SMOC1: variants seen among roughly 807,000 people sequenced by gnomAD.
SMOC1 encodes the protein SPARC related modular calcium binding 1, also known as SPARC-related modular calcium-binding protein 1.
SMOC1 carries 22 observed loss-of-function variants against 56.3 expected under a neutral mutation model. The ratio of observed to expected loss-of-function variants is 0.39; its 90% CI spans 0.28 to 0.56. SMOC1 has a LOEUF of 0.56. SMOC1 is among the 20% of genes least tolerant of loss of function. The probability of loss-of-function intolerance (pLI) is 0.61; values close to 1 mark genes in which losing one functional copy is unlikely to be tolerated. For synonymous variants in SMOC1, 193 were observed against 215.0 expected (o/e 0.90, Z 0.89); for missense variants, 509 against 565.4 (o/e 0.90, Z 1.01).
intron 1 of SMOC1, among the ~76,000 whole-genome samples, chr14:69,944,689 A>G (rs1406789039): frequency 6.6e-6 from 1 of 152,146 alleles, no homozygotes; most frequent in African/African-American, 2.4e-5. Context: ...AGAGTTTTCC[A>G]CCTTGACATA....
intron 1 of SMOC1, among the ~76,000 whole-genome samples, chr14:69,932,404 A>G (rs1347002193): frequency 6.6e-6 from 1 of 152,166 alleles, no homozygotes; most frequent in East Asian, 1.9e-4. Context: ...CCTCAGCCCC[A>G]CATGCCTCCT....
intron 1 of SMOC1, among the ~76,000 whole-genome samples, chr14:69,948,668 C>T (rs189244591): frequency 6.6e-6 from 1 of 152,308 alleles, no homozygotes; most frequent in East Asian, 1.9e-4. Context: ...TTGTCTTCCT[C>T]TCCCTCTTTT....
intron 9 of SMOC1, among the ~76,000 whole-genome samples, chr14:70,012,649 G>A (rs1885381933): frequency 6.6e-6 from 1 of 152,214 alleles, no homozygotes; most frequent in Non-Finnish European, 1.5e-5. Context: ...GAGTAGTGTA[G>A]AGGGCCCATT....
chr14:69,948,794 A>C lies in SMOC1; in HGVS notation c.100-3344A>C, dbSNP rs1432615434. Among the ~76,000 whole-genome samples the C allele has an allele frequency of 2.6e-5, 4 of 152,172 alleles. No homozygotes were observed. In the East Asian group the frequency reaches 7.7e-4, roughly 29 times the overall value. On this transcript the variant is annotated intron_variant, in intron 1 of 11. Coordinates refer to ENST00000361956, the MANE Select transcript of SMOC1 (RefSeq NM_001034852.3). ...AATAATTGAATCTTCACACCACCCTATGAGGCAAGGCTTGTTACTACTCTC... is the reference window on the plus strand; with the variant it reads ...AATAATTGAATCTTCACACCACCCTCTGAGGCAAGGCTTGTTACTACTCTC...
At chr14:69,912,148 A>G (rs952285003) in intron 1 of SMOC1, among the ~76,000 whole-genome samples, 6 of 152,252 alleles carry the variant, frequency 3.9e-5, no homozygotes, top group Non-Finnish European at 7.3e-5. Context: ...TCATGTGTAT[A>G]GTCACTATTG....
At chr14:70,006,363 T>C (rs954372517) in intron 7 of SMOC1, among the ~76,000 whole-genome samples, 1 of 152,210 alleles carries the variant, frequency 6.6e-6, no homozygotes, top group Non-Finnish European at 1.5e-5. Context: ...GCTATTGTTA[T>C]TCATTTTAGA....
intron 1 of SMOC1, among the ~76,000 whole-genome samples, chr14:69,921,244 G>A (rs1884833561): frequency 6.6e-6 from 1 of 152,108 alleles, no homozygotes; most frequent in South Asian, 2.1e-4. Context: ...CTTCTGCCTT[G>A]GTCATTACAT....
At chr14:70,005,436 G>A (rs558870445) in intron 7 of SMOC1, among the ~76,000 whole-genome samples, 1 of 152,180 alleles carries the variant, frequency 6.6e-6, no homozygotes, top group African/African-American at 2.4e-5. Context: ...GTTCATGTTT[G>A]TCTGGTCCAA....
At chr14:69,879,867 A>G in intron 1 of SMOC1, 90 bp downstream of exon 1, 1 of 1,173,596 alleles carries the variant, frequency 8.5e-7, no homozygotes, top group South Asian at 1.4e-5. Context: ...GGGGGAAGAG[A>G]GATGTCAGAG....
chr14:69,959,932 T>G (rs961604234), intron 3 of SMOC1, among the ~76,000 whole-genome samples: 3 of 152,202 alleles, frequency 2.0e-5, no homozygotes, highest in African/African-American at 7.2e-5. Context: ...GAAGCAGATC[T>G]TATTGTTCCT....
At position 70,022,811 on chromosome 14, in the gene SMOC1, C is replaced by T. The variant is rs546898314; in HGVS notation, c.1047-392C>T. Reference sequence around the variant, plus strand: ...CAGTCCACCACAGGGCACATGTTTACGTGTAATGAGCAGCTTGTCCGCAGT... The same window carrying T: ...CAGTCCACCACAGGGCACATGTTTATGTGTAATGAGCAGCTTGTCCGCAGT... On this transcript the variant is annotated intron_variant, in intron 10 of 11. Coordinates refer to ENST00000361956, the MANE Select transcript of SMOC1 (RefSeq NM_001034852.3). Among the ~76,000 whole-genome samples the T allele has an allele frequency of 2.2e-4, 34 of 152,332 alleles. 1 individual carries two copies. Among genetic ancestry groups the T allele is most frequent in the Middle Eastern group, 3.4e-3 (1 of 294 alleles).
At chr14:69,907,748 T>G (rs955223847) in intron 1 of SMOC1, among the ~76,000 whole-genome samples, 3 of 152,236 alleles carry the variant, frequency 2.0e-5, no homozygotes, top group African/African-American at 7.2e-5. Context: ...AATTTATTTC[T>G]CACAGTTCTG....
intron 4 of SMOC1, among the ~76,000 whole-genome samples, 156 bp downstream of exon 4, chr14:69,975,970 G>C (rs1177871877): frequency 6.6e-6 from 1 of 152,222 alleles, no homozygotes; most frequent in Non-Finnish European, 1.5e-5. Flanking sequence ...TTGCTCGGAA[G>C]TCAGCAAATG....
chr14:69,971,206 C>CG (rs1566693610), intron 3 of SMOC1, among the ~76,000 whole-genome samples: 1 of 152,036 alleles, frequency 6.6e-6, no homozygotes, highest in African/African-American at 2.4e-5. Flanking sequence ...TTAGTAGAGA[C>CG]GGGGTTTCAC....
At chr14:69,989,859 A>G (rs755165469) in intron 5 of SMOC1, among the ~76,000 whole-genome samples, 9 of 152,226 alleles carry the variant, frequency 5.9e-5, no homozygotes, top group Non-Finnish European at 1.3e-4. Flanking sequence ...TTGCTGGGTC[A>G]GAAGCCAGGA....
chr14:70,011,600 A>G lies in SMOC1; in HGVS notation c.940+33A>G, dbSNP rs781756431. 1.9e-6 allele frequency: 3 copies of G among 1,586,686 alleles called. No homozygotes were observed. The African/African-American group carries it at 4.0e-5, about 21-fold the overall frequency. ...ACGATGCTGCCCTGCCGGCGCCATC[A>G]CCTCCTTCTGTTCCTCCACCCTCTC... On this transcript the variant is annotated intron_variant, in intron 9 of 11. Transcript: ENST00000361956.
chr14:69,961,037 T>G (rs1883350670), intron 3 of SMOC1, among the ~76,000 whole-genome samples: 1 of 152,000 alleles, frequency 6.6e-6, no homozygotes, highest in Non-Finnish European at 1.5e-5. Flanking sequence ...CGAGAAGAAA[T>G]CTTGTACGCA....
At chr14:69,955,180 A>T (rs1044722444) in intron 3 of SMOC1, among the ~76,000 whole-genome samples, 2 of 152,160 alleles carry the variant, frequency 1.3e-5, no homozygotes, top group Non-Finnish European at 2.9e-5. Flanking sequence ...GTTCAGACTC[A>T]CAAATCCCTA....
chr14:69,989,908 C>T (rs775158435), intron 5 of SMOC1, among the ~76,000 whole-genome samples: 7 of 152,210 alleles, frequency 4.6e-5, no homozygotes, highest in African/African-American at 7.2e-5. Flanking sequence ...GGGTGCTGTT[C>T]GCTTTGGCTT....
Sources: allele counts gnomAD v4.1 joint callset (sites outside exome capture counted in the v4.1 genomes callset), GRCh38; gene constraint gnomAD v4.1.1; transcripts MANE v1.5; gene names NCBI Gene and HGNC (gene_info 2026-07-23, HGNC 2026-07-21).